Variants in LHFPL3 observed in about 807,000 individuals in gnomAD.
LHFPL3 encodes LHFPL tetraspan subfamily member 3, also known as LHFPL tetraspan subfamily member 3 protein.
Under a neutral mutation model 19.3 loss-of-function variants are expected in LHFPL3, and 5 were observed. The ratio of observed to expected loss-of-function variants is 0.26; its 90% CI spans 0.14 to 0.54. The LOEUF is 0.54. LHFPL3 is among the 20% of genes least tolerant of loss of function. The pLI, the probability that LHFPL3 is intolerant of heterozygous loss-of-function variation, is 0.94. For missense variants in LHFPL3, 249 were observed against 307.4 expected, an observed-to-expected ratio of 0.81 and a Z score of 1.42; for synonymous variants, 133 against 126.2, an observed-to-expected ratio of 1.05 and a Z score of -0.36.
At chr7:104,426,617 A>G (rs1791851348) in intron 1 of LHFPL3, among the ~76,000 whole-genome samples, 1 of 152,238 alleles carries the variant, frequency 6.6e-6, no homozygotes, top group Admixed American at 6.5e-5. Context: ...GTCAGTGTTT[A>G]TGAAAAGGAC....
At chr7:104,468,089 G>C (rs934134011) in intron 1 of LHFPL3, among the ~76,000 whole-genome samples, 18 of 152,214 alleles carry the variant, frequency 1.2e-4, no homozygotes, top group African/African-American at 4.3e-4. Flanking sequence ...ATTACTAGAA[G>C]AGCAGAAGTT....
At chr7:104,893,951 CA>C (rs34793599) in intron 2 of LHFPL3, among the ~76,000 whole-genome samples, 79,098 of 135,222 alleles carry the variant, frequency 0.58, 21,490 homozygotes, top group African/African-American at 0.66. Flanking sequence ...GACTCCATCT[CA>C]AAAAAAAAAA....
chr7:104,720,548 A>T (rs908146873), intron 1 of LHFPL3, among the ~76,000 whole-genome samples: 1 of 152,218 alleles, frequency 6.6e-6, no homozygotes, highest in African/African-American at 2.4e-5. Flanking sequence ...AATGGGATCT[A>T]ATTAAACTAA....
chr7:104,582,274 G>T (rs1790475201), intron 1 of LHFPL3, among the ~76,000 whole-genome samples: 1 of 151,716 alleles, frequency 6.6e-6, no homozygotes, highest in African/African-American at 2.4e-5. Context: ...ATTGTTTGCT[G>T]CTAATATATA....
At chr7:104,808,528 A>C (rs1337966133) in intron 2 of LHFPL3, among the ~76,000 whole-genome samples, 1 of 152,184 alleles carries the variant, frequency 6.6e-6, no homozygotes, top group African/African-American at 2.4e-5. Context: ...TGACTCCAAA[A>C]GCAATACTCT....
chr7:104,433,475 C>A lies in LHFPL3; in HGVS notation c.445+104251C>A, dbSNP rs189187924. ...AATCACTGTAATGCCTTGCAGTGGT[C>A]TCTCAGGATGAAGTCCAAAAACTCC... On this transcript the variant is annotated intron_variant, in intron 1 of 2. Transcript: ENST00000424859. Among the ~76,000 whole-genome samples the A allele has an allele frequency of 1.1e-3, 172 of 152,308 alleles. 1 individual carries two copies. The highest frequency in any genetic ancestry group is 4.0e-3 in the African/African-American group (165 of 41,566).
intron 1 of LHFPL3, among the ~76,000 whole-genome samples, chr7:104,606,511 T>G (rs1309322419): frequency 6.6e-6 from 1 of 151,976 alleles, no homozygotes; most frequent in Non-Finnish European, 1.5e-5. Flanking sequence ...GGTAAAAAGG[T>G]AAAAAGTGAA....
At chr7:104,818,708 G>A (rs1790615717) in intron 2 of LHFPL3, among the ~76,000 whole-genome samples, 1 of 151,968 alleles carries the variant, frequency 6.6e-6, no homozygotes, top group Admixed American at 6.6e-5. Flanking sequence ...AAACAGAGTT[G>A]TTTCCACGTT....
At chr7:104,484,644 G>A (rs1167597034) in intron 1 of LHFPL3, among the ~76,000 whole-genome samples, 1 of 152,216 alleles carries the variant, frequency 6.6e-6, no homozygotes, top group Non-Finnish European at 1.5e-5. Context: ...ACCTGAGACT[G>A]GGTAATTTGT....
intron 1 of LHFPL3, among the ~76,000 whole-genome samples, chr7:104,572,305 T>G: frequency 6.6e-6 from 1 of 152,218 alleles, no homozygotes; most frequent in East Asian, 1.9e-4. Context: ...AACTATAATT[T>G]TAGGCTTATC....
At chr7:104,729,441 C>A (rs1220244998) in intron 1 of LHFPL3, among the ~76,000 whole-genome samples, 1 of 152,210 alleles carries the variant, frequency 6.6e-6, no homozygotes, top group African/African-American at 2.4e-5. Flanking sequence ...AATAGTCACC[C>A]TACTGTGCAA....
At chr7:104,666,503 G>A (rs906428709) in intron 1 of LHFPL3, among the ~76,000 whole-genome samples, 1 of 116,084 alleles carries the variant, frequency 8.6e-6, no homozygotes, top group African/African-American at 3.1e-5. Context: ...AAAATGACAG[G>A]ATTTCATTCT....
At chr7:104,402,986 C>T (rs1217898848) in intron 1 of LHFPL3, among the ~76,000 whole-genome samples, 1 of 152,108 alleles carries the variant, frequency 6.6e-6, no homozygotes, top group Non-Finnish European at 1.5e-5. Context: ...CATTCTCACT[C>T]GTAAGTTGGA....
intron 2 of LHFPL3, among the ~76,000 whole-genome samples, chr7:104,790,192 T>C (rs1298575464): frequency 6.6e-6 from 1 of 152,198 alleles, no homozygotes; most frequent in South Asian, 2.1e-4. Context: ...GAAATTGATA[T>C]TAAAGCTTTA....
chr7:104,813,972 T>G (rs1291967617), intron 2 of LHFPL3, among the ~76,000 whole-genome samples: 1 of 152,212 alleles, frequency 6.6e-6, no homozygotes. Flanking sequence ...TACAGCTCTT[T>G]TAGCCTCACC....
At chr7:104,430,409 TATATATATAC>T (rs1282726748) in intron 1 of LHFPL3, among the ~76,000 whole-genome samples, 21 of 38,826 alleles carry the variant, frequency 5.4e-4, no homozygotes, top group East Asian at 3.1e-3. Context: ...TATATACATA[TATATATATAC>T]ATATATATAT....
intron 1 of LHFPL3, among the ~76,000 whole-genome samples, chr7:104,348,323 C>T (rs1393683038): frequency 1.3e-5 from 2 of 152,176 alleles, no homozygotes; most frequent in Non-Finnish European, 2.9e-5. Flanking sequence ...GCGGAGCTTG[C>T]AGTGAGCCGA....
intron 2 of LHFPL3, among the ~76,000 whole-genome samples, chr7:104,737,292 C>T (rs1383789543): frequency 6.6e-6 from 1 of 152,060 alleles, no homozygotes; most frequent in Non-Finnish European, 1.5e-5. Context: ...AGCTATGTTT[C>T]AGGTTGAAAT....
At chr7:104,524,946 C>G (rs952387883) in intron 1 of LHFPL3, among the ~76,000 whole-genome samples, 1 of 152,072 alleles carries the variant, frequency 6.6e-6, no homozygotes. Context: ...ATTATATACA[C>G]CTAGTATTTC....
Sources: allele counts gnomAD v4.1 joint callset (sites outside exome capture counted in the v4.1 genomes callset), GRCh38; gene constraint gnomAD v4.1.1; transcripts MANE v1.5; gene names NCBI Gene and HGNC (gene_info 2026-07-23, HGNC 2026-07-21).